Variants in MPRIP observed in about 807,000 individuals in gnomAD.
The protein encoded by MPRIP is myosin phosphatase Rho interacting protein, also known as myosin phosphatase Rho-interacting protein.
In MPRIP, 59 loss-of-function variants were observed where a neutral mutation model predicts 234.9. The observed-to-expected ratio is 0.25, with a 90% CI of 0.20 to 0.31. The LOEUF (loss-of-function observed/expected upper bound fraction) is 0.31, where lower values mean the gene tolerates loss of function less well. Among genes scored for constraint, MPRIP ranks in the 10% least tolerant of loss-of-function variants. The pLI is 1.00. For missense variants in MPRIP, 2,436 were observed against 3,071.0 expected (o/e 0.79, Z 4.89); for synonymous variants, 1,144 against 1,263.9 (o/e 0.91, Z 2.01).
chr17:17,108,849 C>T (rs891149076), intron 3 of MPRIP, among the ~76,000 whole-genome samples: 6 of 152,240 alleles, frequency 3.9e-5, no homozygotes, highest in African/African-American at 9.6e-5. Context: ...GGCATGGCAG[C>T]GCCCTCTCCC....
intron 3 of MPRIP, among the ~76,000 whole-genome samples, chr17:17,096,355 G>C (rs2089845961): frequency 6.8e-6 from 1 of 146,374 alleles, no homozygotes; most frequent in Non-Finnish European, 1.5e-5. Flanking sequence ...CAGAGTCAAT[G>C]CACATGCCTG....
At chr17:17,168,272 G>A (rs909463781) in intron 16 of MPRIP, 10 of 276,480 alleles carry the variant, frequency 3.6e-5, no homozygotes, top group African/African-American at 2.0e-4. Flanking sequence ...CCCCTGCCCC[G>A]GGAACCCCGT....
Position 17,164,691 on chromosome 17 carries a change from C to T in MPRIP, c.3100C>T (p.Gln1034Ter). The T allele has an allele frequency of 7.9e-7, 1 of 1,268,864 alleles. No homozygotes were observed. The highest frequency in any genetic ancestry group is 1.3e-5 in the South Asian group (1 of 75,518). 78.6% of individuals were successfully genotyped at this position (1,268,864 alleles called of 1,614,324 possible). The stretch of plus-strand genomic sequence containing the variant: ...GCTGGAGAGCTGTGAGAAGGAGAAG[C>T]AGGCATTGCTGCAGAACCTAAAGGA... ...LLLESCEKEKQALLQNLKEVE... is the reference protein window; with the variant it reads ...LLLESCEKEK The change falls in exon 16 of 24, where the codon CAG becomes TAG. Residue 1034 changes from glutamine to a stop codon, truncating the protein, a stop_gained. Coordinates refer to ENST00000651222, the MANE Select transcript of MPRIP (RefSeq NM_001364716.4). LOFTEE classifies it high-confidence loss of function.
chr17:17,048,943 C>T (rs1444346581), intron 1 of MPRIP, among the ~76,000 whole-genome samples: 1 of 152,230 alleles, frequency 6.6e-6, no homozygotes, highest in Non-Finnish European at 1.5e-5. Context: ...AAGTGTCCAT[C>T]CACTAATGCG....
intron 1 of MPRIP, 107 bp downstream of exon 1, chr17:17,043,078 C>G: frequency 8.9e-7 from 1 of 1,118,676 alleles, no homozygotes; most frequent in Non-Finnish European, 1.3e-6. Context: ...CAGGGAAATG[C>G]GCGAGTCCTG....
chr17:17,116,042 A>T (rs1005949984), intron 3 of MPRIP, among the ~76,000 whole-genome samples: 1 of 152,122 alleles, frequency 6.6e-6, no homozygotes, highest in Non-Finnish European at 1.5e-5. Flanking sequence ...TCTATTACAT[A>T]TATAAGTAAA....
At position 17,075,694 on chromosome 17, in the gene MPRIP, C is replaced by CT. The variant is rs1204143222; in HGVS notation, c.124-10dup. The CT allele has an allele frequency of 6.2e-7, 1 of 1,613,786 alleles. No individual in the cohort carries two copies. The highest frequency in any genetic ancestry group is 8.5e-7 in the Non-Finnish European group (1 of 1,179,686). Reference sequence around the variant, plus strand: ...TTGAAGGCTGCTGGTGACCTGCCCTCTTTTTTCTCCTCTAGGCAAAACCCA... The same window carrying CT: ...TTGAAGGCTGCTGGTGACCTGCCCTCTTTTTTTCTCCTCTAGGCAAAACCCA... On this transcript the variant is annotated splice_polypyrimidine_tract_variant and intron_variant, in intron 1 of 23. Transcript: ENST00000651222.
intron 3 of MPRIP, among the ~76,000 whole-genome samples, chr17:17,111,396 G>T (rs2090169169): frequency 6.6e-6 from 1 of 152,160 alleles, no homozygotes; most frequent in Admixed American, 6.5e-5. Context: ...GTGTCCTGAG[G>T]CAGGACCAGG....
rs2144743743 is a variant in MPRIP at position 17,187,904 on chromosome 17, C to T, written c.*3010C>T. Reference sequence around the variant, plus strand: ...TGAGGAAGAAGTTCAAATAGATAGACTTCAGCATTTTAATTATTTTCCTAT... The same window carrying T: ...TGAGGAAGAAGTTCAAATAGATAGATTTCAGCATTTTAATTATTTTCCTAT... On this transcript the variant is annotated 3_prime_UTR_variant, in exon 24 of 24. Coordinates refer to ENST00000651222, the MANE Select transcript of MPRIP (RefSeq NM_001364716.4). 6.6e-6 allele frequency: 1 copy of T among 152,344 alleles called. No individual in the cohort carries two copies. The highest frequency in any genetic ancestry group is 6.5e-5 in the Admixed American group (1 of 15,306). The allele number at this position is 152,344 out of a possible 1,614,324, so 9.4% of individuals were successfully genotyped here. A position where few individuals can be genotyped will look rare whatever the true frequency, so the allele number is the denominator to read the frequency against.
intron 1 of MPRIP, among the ~76,000 whole-genome samples, chr17:17,054,663 C>CTT (rs201129229): frequency 2.7e-5 from 4 of 146,674 alleles, no homozygotes; most frequent in South Asian, 2.1e-4. Context: ...TGCAGGAATT[C>CTT]TTTTTTTTTT....
intron 13 of MPRIP, among the ~76,000 whole-genome samples, chr17:17,155,208 A>G (rs956116064): frequency 1.6e-4 from 24 of 150,778 alleles, no homozygotes; most frequent in African/African-American, 5.1e-4. Context: ...GGGTGTGGCA[A>G]TGTCACAGCG....
At chr17:17,104,668 G>A (rs952158554) in intron 3 of MPRIP, among the ~76,000 whole-genome samples, 1 of 152,062 alleles carries the variant, frequency 6.6e-6, no homozygotes, top group South Asian at 2.1e-4. Context: ...TTTTCTTTCC[G>A]CTGCGTCTGC....
At position 17,069,548 on chromosome 17, in the gene MPRIP, A is replaced by G. The variant is rs1286598789; in HGVS notation, c.124-6162A>G. 4.9e-5 allele frequency among the ~76,000 whole-genome samples: 7 copies of G among 144,258 alleles called. No individual in the cohort carries two copies. The East Asian group carries it at 1.4e-3, about 29-fold the overall frequency. 94.6% of individuals were successfully genotyped at this position (144,258 alleles called of 152,430 possible). On this transcript the variant is annotated intron_variant, in intron 1 of 23. Coordinates refer to ENST00000651222, the MANE Select transcript of MPRIP (RefSeq NM_001364716.4). ...TTTCTTTAGAATTGTATTTTGATTT[A>G]TATATCAAAATATAGTTTTTTAAGT...
chr17:17,179,707 G>A (rs1175908404), intron 22 of MPRIP: 1 of 288,908 alleles, frequency 3.5e-6, no homozygotes, highest in Non-Finnish European at 6.5e-6. Context: ...CCACACCAGA[G>A]TGAGGGGACC....
At chr17:17,104,575 G>A (rs189598499) in intron 3 of MPRIP, among the ~76,000 whole-genome samples, 36 of 152,224 alleles carry the variant, frequency 2.4e-4, no homozygotes, top group African/African-American at 7.9e-4. Context: ...CCGTTTCTCC[G>A]TCCTTCCTTT....
intron 1 of MPRIP, among the ~76,000 whole-genome samples, chr17:17,062,594 G>T (rs1291098991): frequency 6.6e-6 from 1 of 152,218 alleles, no homozygotes; most frequent in Non-Finnish European, 1.5e-5. Flanking sequence ...AGGGGGTGCC[G>T]TTCACCAGCG....
At chr17:17,095,497 G>A (rs924496042) in intron 3 of MPRIP, among the ~76,000 whole-genome samples, 2 of 152,146 alleles carry the variant, frequency 1.3e-5, no homozygotes, top group African/African-American at 4.8e-5. Flanking sequence ...TCCCCTGATA[G>A]GAATTCTCTC....
At chr17:17,110,761 G>C (rs1223145953) in intron 3 of MPRIP, among the ~76,000 whole-genome samples, 1 of 152,152 alleles carries the variant, frequency 6.6e-6, no homozygotes, top group South Asian at 2.1e-4. Context: ...CCCAAATTGA[G>C]GTGCAGTCTA....
intron 1 of MPRIP, among the ~76,000 whole-genome samples, chr17:17,059,577 C>T (rs1228779906): frequency 6.6e-6 from 1 of 152,248 alleles, no homozygotes; most frequent in Non-Finnish European, 1.5e-5. Flanking sequence ...TTTCTGAAGT[C>T]TGTCATTTGC....
Sources: allele counts gnomAD v4.1 joint callset (sites outside exome capture counted in the v4.1 genomes callset), GRCh38; gene constraint gnomAD v4.1.1; transcripts MANE v1.5; gene names NCBI Gene and HGNC (gene_info 2026-07-23, HGNC 2026-07-21).